Variants in SLC24A2 observed in about 807,000 individuals in gnomAD.
SLC24A2 encodes the protein solute carrier family 24 member 2, also known as sodium/potassium/calcium exchanger 2.
A neutral mutation model predicts 62.0 loss-of-function variants in SLC24A2; 36 were observed. The ratio of observed to expected loss-of-function variants is 0.58; its 90% CI spans 0.44 to 0.77. SLC24A2 has a LOEUF of 0.77. Ranked by LOEUF, SLC24A2 falls within the 30% of genes least tolerant of loss-of-function variation. The pLI is 0.00. For missense variants in SLC24A2, 846 were observed against 817.9 expected (o/e 1.03, Z -0.42); for synonymous variants, 358 against 294.0 (o/e 1.22, Z -2.23).
At chr9:20,188,098 T>A in the SLC24A2 span, among the ~76,000 whole-genome samples, 1 of 116,502 alleles carries the variant, frequency 8.6e-6, no homozygotes. Context: ...TTTTCTATCC[T>A]GTCAGAAGAG....
the SLC24A2 span, among the ~76,000 whole-genome samples, chr9:19,898,075 G>A: frequency 1.5e-4 from 23 of 152,194 alleles, no homozygotes; most frequent in Non-Finnish European, 2.6e-4. Context: ...CTGGAGGAGG[G>A]AATCAGAGGG....
chr9:19,638,644 TAA>T (rs1817647995), intron 2 of SLC24A2, among the ~76,000 whole-genome samples: 1 of 152,174 alleles, frequency 6.6e-6, no homozygotes, highest in East Asian at 1.9e-4. Flanking sequence ...GGAAATATTT[TAA>T]AGAGTCCTGA....
the SLC24A2 span, among the ~76,000 whole-genome samples, chr9:20,102,727 C>T: frequency 2.0e-5 from 3 of 151,914 alleles, no homozygotes; most frequent in African/African-American, 4.8e-5. Context: ...CCAAGATGGC[C>T]GAATAGGAAC....
chr9:20,019,248 G>GGAAAGA, the SLC24A2 span, among the ~76,000 whole-genome samples: 1 of 40,900 alleles, frequency 2.4e-5, no homozygotes, highest in Non-Finnish European at 5.6e-5. Context: ...AAAGAAAGAA[G>GGAAAGA]GAAAGAGAAA....
At chr9:19,927,559 A>G in the SLC24A2 span, 2 of 152,344 alleles carry the variant, frequency 1.3e-5, no homozygotes, top group African/African-American at 4.8e-5. Flanking sequence ...CAGTGCCATG[A>G]TAGAAACATT....
At chr9:20,108,297 T>G in the SLC24A2 span, among the ~76,000 whole-genome samples, 1 of 152,114 alleles carries the variant, frequency 6.6e-6, no homozygotes, top group Non-Finnish European at 1.5e-5. Context: ...TGGCGATTCC[T>G]CAGGGATCTA....
At chr9:19,926,590 AAAAC>A in the SLC24A2 span, 11 of 152,430 alleles carry the variant, frequency 7.2e-5, no homozygotes, top group South Asian at 2.1e-4. Flanking sequence ...AAAAAAAAGA[AAAAC>A]AAAAGAAAGA....
chr9:19,993,673 C>A, the SLC24A2 span, among the ~76,000 whole-genome samples: 2 of 152,034 alleles, frequency 1.3e-5, no homozygotes, highest in African/African-American at 2.4e-5. Flanking sequence ...AGAGCCCACA[C>A]AGAGTTCTAC....
At chr9:20,030,053 G>C in the SLC24A2 span, among the ~76,000 whole-genome samples, 5 of 152,142 alleles carry the variant, frequency 3.3e-5, no homozygotes, top group Non-Finnish European at 7.4e-5. Flanking sequence ...TACCGCATTA[G>C]AAAGTTTAAT....
the SLC24A2 span, among the ~76,000 whole-genome samples, chr9:19,970,433 G>C: frequency 6.6e-6 from 1 of 152,170 alleles, no homozygotes; most frequent in Non-Finnish European, 1.5e-5. Context: ...GAAAATACAG[G>C]TGTGTGAGTG....
chr9:20,122,559 G>A, the SLC24A2 span, among the ~76,000 whole-genome samples: 1 of 151,998 alleles, frequency 6.6e-6, no homozygotes, highest in Non-Finnish European at 1.5e-5. Flanking sequence ...ATGGTGGTGG[G>A]CACCTGTAAT....
chr9:19,718,456 C>G (rs1411856086), intron 2 of SLC24A2, among the ~76,000 whole-genome samples: 3 of 66,912 alleles, frequency 4.5e-5, no homozygotes, highest in African/African-American at 1.9e-4. Context: ...CCATGCCTGG[C>G]TATTTTTTTT....
At chr9:20,007,822 A>G in the SLC24A2 span, among the ~76,000 whole-genome samples, 3 of 146,298 alleles carry the variant, frequency 2.1e-5, no homozygotes, top group African/African-American at 7.6e-5. Flanking sequence ...GTGTATTTTA[A>G]GAGACTTGCA....
chr9:20,151,378 T>C, the SLC24A2 span, among the ~76,000 whole-genome samples: 28 of 152,038 alleles, frequency 1.8e-4, no homozygotes, highest in African/African-American at 6.7e-4. Context: ...GCAAATAATC[T>C]CAGTGGCTTA....
chr9:20,038,867 G>A, the SLC24A2 span, among the ~76,000 whole-genome samples: 15 of 152,124 alleles, frequency 9.9e-5, no homozygotes, highest in East Asian at 1.9e-4. Flanking sequence ...AAGATAAGTC[G>A]AGAAAAGTCT....
chr9:19,642,840 C>A (rs1358438195), intron 2 of SLC24A2, among the ~76,000 whole-genome samples: 2 of 151,206 alleles, frequency 1.3e-5, no homozygotes, highest in Admixed American at 1.3e-4. Context: ...GCCACTGTGC[C>A]CAGCTAATTT....
the SLC24A2 span, among the ~76,000 whole-genome samples, chr9:19,898,741 C>CAAAAAAAA: frequency 2.1e-5 from 2 of 97,278 alleles, no homozygotes; most frequent in East Asian, 4.1e-4. Context: ...GACTCCATCT[C>CAAAAAAAA]AAAAAAAAAA....
chr9:19,832,044 T>C, the SLC24A2 span, among the ~76,000 whole-genome samples: 225 of 152,366 alleles, frequency 1.5e-3, 1 homozygote, highest in African/African-American at 5.0e-3. Flanking sequence ...AGTAGTGCAA[T>C]AGATTTAGAT....
chr9:20,183,772 G>T, the SLC24A2 span, among the ~76,000 whole-genome samples: 9 of 152,306 alleles, frequency 5.9e-5, no homozygotes, highest in Admixed American at 1.3e-4. Flanking sequence ...GAGAGCTAGA[G>T]GTAGGCCTAG....
Sources: allele counts gnomAD v4.1 joint callset (sites outside exome capture counted in the v4.1 genomes callset), GRCh38; gene constraint gnomAD v4.1.1; transcripts MANE v1.5; gene names NCBI Gene and HGNC (gene_info 2026-07-23, HGNC 2026-07-21).